The following ABCF3 variants were observed in gnomAD, a reference collection of about 807,000 sequenced individuals.
The protein encoded by ABCF3 is ATP binding cassette subfamily F member 3, also known as ATP-binding cassette sub-family F member 3.
Under a neutral mutation model 94.3 loss-of-function variants are expected in ABCF3, and 62 were observed. The ratio of observed to expected loss-of-function variants is 0.66; its 90% confidence interval spans 0.54 to 0.81. ABCF3 has a LOEUF of 0.81. Among genes scored for constraint, ABCF3 ranks in the 40% least tolerant of loss-of-function variants. The pLI is 0.00. For missense variants in ABCF3, 843 were observed against 925.3 expected (o/e 0.91, Z 1.15); for synonymous variants, 355 against 361.1 (o/e 0.98, Z 0.19).
In ABCF3 at chr3:184,192,844, G is replaced by A. The variant is rs1560137309; in HGVS notation, c.1698G>A (p.Glu566=). ...GCTATTTCAGCCAGCACCATGTGGA[G>A]CAGCTGGACCTAAACGTCAGTGCTG... ...KIGYFSQHHV[E]QLDLNVSAVE... Residue 566 remains glutamate (E), a synonymous_variant, in exon 18 of 21, where the codon GAG becomes GAA. Transcript: ENST00000429586. 1 of 1,614,110 alleles carries A rather than the reference G, an allele frequency of 6.2e-7. No individual in the cohort carries two copies. The highest frequency in any genetic ancestry group is 1.3e-5 in the African/African-American group (1 of 74,940).
At chr3:184,190,521 A>G (rs1715953209) in intron 14 of ABCF3, 1 of 166,430 alleles carries the variant, frequency 6.0e-6, no homozygotes, top group South Asian at 1.5e-4. Flanking sequence ...ACTGTTTTCT[A>G]AAGCAACAAC....
Position 184,193,392 on chromosome 3 carries a change from C to T in ABCF3, c.1911C>T (p.Pro637=). The change falls in exon 20 of 21, where the codon CCC becomes CCT. Residue 637 remains proline (P), a synonymous_variant. Transcript: ENST00000429586. This position sits in a 1 kb window ranked among gnomAD's most constrained non-coding sequence, Gnocchi z 5.2. The part of the protein sequence containing the change: ...PCPNFYILDE[P]TNHLDMETIE... Reference sequence around the variant, plus strand: ...CCAACTTCTACATTCTGGATGAACCCACAAACCACCTGGACATGGAGACCA... The same window carrying T: ...CCAACTTCTACATTCTGGATGAACCTACAAACCACCTGGACATGGAGACCA... The T allele has an allele frequency of 6.2e-7, 1 of 1,614,166 alleles. No individual in the cohort carries two copies. Among genetic ancestry groups the T allele is most frequent in the Non-Finnish European group, 8.5e-7 (1 of 1,180,044 alleles).
In ABCF3 at chr3:184,193,200, A is replaced by G; in HGVS notation, c.1849A>G (p.Ser617Gly). The G allele has an allele frequency of 6.4e-7, 1 of 1,562,404 alleles. No individual in the cohort carries two copies. The highest frequency in any genetic ancestry group is 8.7e-7 in the Non-Finnish European group (1 of 1,154,932). The part of the protein sequence containing the change: ...PLASLSGGQK[S>G]RVAFAQMTMP... ...TGCCAGCCTGTCTGGGGGCCAGAAG[A>G]GCCGAGTGGCCTTTGCTCAGATGAC... Residue 617 changes from serine (S) to glycine (G), a missense_variant, in exon 19 of 21, where the codon AGC becomes GGC. Coordinates refer to ENST00000429586, the MANE Select transcript of ABCF3 (RefSeq NM_018358.3). This position sits in a 1 kb window ranked among gnomAD's most constrained non-coding sequence, Gnocchi z 5.2.
Position 184,186,229 on chromosome 3 carries a change from C to G in ABCF3, c.22C>G (p.Leu8Val), listed in dbSNP as rs202156124. ...GAACATGGCGACTTGCGCCGAAATC[C>G]TGCGGAGCGAGTTCCCCGAAATTGA... is the stretch of plus-strand genomic sequence containing the variant. MATCAEI[L>V]RSEFPEIDGQ... The change falls in exon 1 of 21, where the codon CTG becomes GTG. Residue 8 changes from leucine (L) to valine (V), a missense_variant. By Grantham distance (32) the Leu-to-Val change is conservative (BLOSUM62 1). Coordinates refer to ENST00000429586, the MANE Select transcript of ABCF3 (RefSeq NM_018358.3). 1 of 1,614,230 alleles carries G rather than the reference C, an allele frequency of 6.2e-7. No homozygotes were observed. The highest frequency in any genetic ancestry group is 8.5e-7 in the Non-Finnish European group (1 of 1,180,046).
In ABCF3 at chr3:184,189,545, G is replaced by A; in HGVS notation, c.1114-12G>A. On this transcript the variant is annotated splice_polypyrimidine_tract_variant and intron_variant, in intron 12 of 20. Coordinates refer to ENST00000429586, the MANE Select transcript of ABCF3 (RefSeq NM_018358.3). ...CCTCCCAAACCGGGCCTGCTGTCCT[G>A]TGACCCCTCAGACGTGGCCCTCCAC... 2 of 1,613,978 alleles carry A rather than the reference G, an allele frequency of 1.2e-6. No individual in the cohort carries two copies. The highest frequency in any genetic ancestry group is 2.2e-5 in the East Asian group (1 of 44,860).
At chr3:184,192,467 TC>T in intron 16 of ABCF3, 133 bp from the exon 17 acceptor site, 1 of 867,864 alleles carries the variant, frequency 1.2e-6, no homozygotes, top group East Asian at 2.8e-5. Flanking sequence ...CCCTTATCCT[TC>T]CCAGCCTCTA....
chr3:184,193,446 T>C lies in ABCF3; in HGVS notation c.1965T>C (p.Asn655=). The change falls in exon 20 of 21, where the codon AAT becomes AAC. Residue 655 remains asparagine, a synonymous_variant. Coordinates refer to ENST00000429586, the MANE Select transcript of ABCF3 (RefSeq NM_018358.3). The surrounding 1 kb of genome is among the most constrained non-coding windows in gnomAD (Gnocchi z 5.2). ...AGGCTCTGGGCCGTGCCCTCAACAA[T>C]TTCAGGGTGAGTGTGCCTTCACCCT... ...TIEALGRALN[N]FRGGVILVSH... 6.2e-7 allele frequency: 1 copy of C among 1,614,076 alleles called. No individual in the cohort carries two copies. The highest frequency in any genetic ancestry group is 8.5e-7 in the Non-Finnish European group (1 of 1,180,000).
At chr3:184,190,412 T>C (rs1715945363) in intron 14 of ABCF3, 1 of 176,034 alleles carries the variant, frequency 5.7e-6, no homozygotes, top group Admixed American at 5.5e-5. Context: ...TACAAATTTT[T>C]GTGTGGACAT....
At position 184,190,608 on chromosome 3, in the gene ABCF3, T is replaced by G. The variant is rs973071510; in HGVS notation, c.1392-391T>G. 475 of 171,868 alleles carry G rather than the reference T, an allele frequency of 2.8e-3. 1 individual carries two copies. The highest frequency in any genetic ancestry group is 0.011 in the African/African-American group (456 of 41,858). 10.6% of individuals were successfully genotyped at this position (171,868 alleles called of 1,614,324 possible). On this transcript the variant is annotated intron_variant, in intron 14 of 20. Transcript: ENST00000429586. ...CTTTGGCAGCACTGTTATTGACTTT[T>G]TTTTTTTTAGTTTTAGCCATCCTAG...
chr3:184,192,887 A>G lies in ABCF3; in HGVS notation c.1741A>G (p.Lys581Glu). 6.2e-7 allele frequency: 1 copy of G among 1,614,056 alleles called. No individual in the cohort carries two copies. The highest frequency in any genetic ancestry group is 8.5e-7 in the Non-Finnish European group (1 of 1,179,966). Reference sequence around the variant, plus strand: ...CAGTGCTGTGGAACTGCTGGCACGCAAGTTTCCTGGTGAGTTAGGGATTTG... The same window carrying G: ...CAGTGCTGTGGAACTGCTGGCACGCGAGTTTCCTGGTGAGTTAGGGATTTG... ...NVSAVELLARKFPGRPEEEYR... is the reference protein window; with the variant it reads ...NVSAVELLAREFPGRPEEEYR... The change falls in exon 18 of 21, where the codon AAG (lysine) becomes GAG (glutamate). Residue 581 changes from lysine (K) to glutamate (E), a missense_variant. Physicochemically the swap from Lys to Glu is moderately conservative, Grantham distance 56 (BLOSUM62 1). Coordinates refer to ENST00000429586, the MANE Select transcript of ABCF3 (RefSeq NM_018358.3).
chr3:184,193,216 C>G lies in ABCF3; in HGVS notation c.1865C>G (p.Ala622Gly), dbSNP rs1716141874. 3 of 1,565,178 alleles carry G rather than the reference C, an allele frequency of 1.9e-6. No individual in the cohort carries two copies. Among genetic ancestry groups the G allele is most frequent in the Non-Finnish European group, 2.6e-6 (3 of 1,156,548 alleles). ...GGCCAGAAGAGCCGAGTGGCCTTTG[C>G]TCAGATGACTATGCCCTGGTGAGGC... ...SGGQKSRVAF[A>G]QMTMPCPNFY... The change falls in exon 19 of 21, where the codon GCT becomes GGT. Residue 622 changes from alanine (A) to glycine (G), a missense_variant. Transcript: ENST00000429586. The surrounding 1 kb of genome is among the most constrained non-coding windows in gnomAD (Gnocchi z 5.2).
Position 184,193,416 on chromosome 3 carries a change from C to T in ABCF3, c.1935C>T (p.Thr645=), listed in dbSNP as rs746999632. ...DEPTNHLDME[T]IEALGRALNN... ...CCACAAACCACCTGGACATGGAGAC[C>T]ATTGAGGCTCTGGGCCGTGCCCTCA... The change falls in exon 20 of 21, where the codon ACC becomes ACT. Residue 645 remains threonine, a synonymous_variant. Coordinates refer to ENST00000429586, the MANE Select transcript of ABCF3 (RefSeq NM_018358.3). The surrounding 1 kb of genome is among the most constrained non-coding windows in gnomAD (Gnocchi z 5.2). The T allele has an allele frequency of 6.2e-7, 1 of 1,614,138 alleles. No homozygotes were observed. The highest frequency in any genetic ancestry group is 1.7e-5 in the Admixed American group (1 of 60,020).
Position 184,188,245 on chromosome 3 carries a change from C to T in ABCF3, c.674C>T (p.Thr225Ile). The change falls in exon 7 of 21, where the codon ACC becomes ATC. Residue 225 changes from threonine (T) to isoleucine (I), a missense_variant. By Grantham distance (89) the Thr-to-Ile change is moderately conservative (BLOSUM62 -1). Transcript: ENST00000429586. ...ACAACGTTACTGAAGATGCTGGCCA[C>T]CCGGAGTCTGCGGGTTCCAGCCCAC... ...GKTTLLKMLA[T>I]RSLRVPAHIS... 6.2e-7 allele frequency: 1 copy of T among 1,614,156 alleles called. No homozygotes were observed. The highest frequency in any genetic ancestry group is 8.5e-7 in the Non-Finnish European group (1 of 1,180,040).
Position 184,193,308 on chromosome 3 carries a change from C to T in ABCF3, c.1884-57C>T. 1 of 1,612,696 alleles carries T rather than the reference C, an allele frequency of 6.2e-7. No individual in the cohort carries two copies. The highest frequency in any genetic ancestry group is 8.5e-7 in the Non-Finnish European group (1 of 1,179,230). On this transcript the variant is annotated intron_variant, in intron 19 of 20. Coordinates refer to ENST00000429586, the MANE Select transcript of ABCF3 (RefSeq NM_018358.3). The surrounding 1 kb of genome is among the most constrained non-coding windows in gnomAD (Gnocchi z 5.2). ...CCCAGTAGAAAACTGTATCAGAAGG[C>T]TTTATTTTCTCTCACCGCACCCCTT...
Position 184,187,644 on chromosome 3 carries a change from C to A in ABCF3, c.349-20C>A. 1.2e-6 allele frequency: 2 copies of A among 1,613,290 alleles called. No individual in the cohort carries two copies. Among genetic ancestry groups the A allele is most frequent in the South Asian group, 2.2e-5 (2 of 90,994 alleles). On this transcript the variant is annotated intron_variant, in intron 4 of 20. Coordinates refer to ENST00000429586, the MANE Select transcript of ABCF3 (RefSeq NM_018358.3). ...CTGAGCCTACACCCGAGAGTGAAGT[C>A]GATGTGTTTGGACCCTTAGACAGTG...
rs111238120 is a variant in ABCF3, at chr3:184,187,458, G to A, written c.348+15G>A. 1.7e-5 allele frequency: 27 copies of A among 1,611,722 alleles called. 1 individual carries two copies. The African/African-American group carries it at 2.7e-4, about 16-fold the overall frequency. ...AACAGTCCTCGGTGAGGAGGAGGAA[G>A]CAAGGGAGGGGACTGTCTGTGATGG... On this transcript the variant is annotated intron_variant, in intron 4 of 20. Transcript: ENST00000429586.
rs199665518 is a variant in ABCF3, at chr3:184,188,184, C to T, written c.613C>T (p.Arg205Cys). 9 of 1,614,022 alleles carry T rather than the reference C, an allele frequency of 5.6e-6. No individual in the cohort carries two copies. The highest frequency in any genetic ancestry group is 2.2e-5 in the East Asian group (1 of 44,876). The change falls in exon 7 of 21, where the codon CGT becomes TGT. Residue 205 changes from arginine (R) to cysteine (C), a missense_variant. Transcript: ENST00000429586. ...GGATGTGAACCTGGCATGGGGCCGC[C>T]GTTACGGGCTGGTGGGGCGGAATGG... Reference protein sequence around the residue: ...GADVNLAWGRRYGLVGRNGLG... With the variant: ...GADVNLAWGRCYGLVGRNGLG...
rs768337975 is a variant in ABCF3, at chr3:184,188,762, G to A, written c.838G>A (p.Ala280Thr). 3.7e-6 allele frequency: 6 copies of A among 1,613,678 alleles called. No individual in the cohort carries two copies. The African/African-American group carries it at 6.7e-5, about 18-fold the overall frequency. The change falls in exon 8 of 21, where the codon GCG (alanine) becomes ACG (threonine). Residue 280 changes from alanine to threonine, a missense_variant and splice_region_variant. Ala to Thr is a moderately conservative substitution (Grantham distance 58). Transcript: ENST00000429586. ...ELTAQIAAGRAEGSEAAELAE... is the reference protein window; with the variant it reads ...ELTAQIAAGRTEGSEAAELAE... ...AATTGCTGTTTCTCCTCCCTCCAGG[G>A]CGGAGGGCTCTGAAGCTGCAGAGCT...
rs1203509130 is a variant in ABCF3, at chr3:184,186,225, A to G, written c.18A>G (p.Glu6=). MATCA[E]ILRSEFPEID... ...AGTGGAACATGGCGACTTGCGCCGA[A>G]ATCCTGCGGAGCGAGTTCCCCGAAA... The change falls in exon 1 of 21, where the codon GAA becomes GAG. Residue 6 remains glutamate (E), a synonymous_variant. Coordinates refer to ENST00000429586, the MANE Select transcript of ABCF3 (RefSeq NM_018358.3). 1 of 1,614,046 alleles carries G rather than the reference A, an allele frequency of 6.2e-7. No individual in the cohort carries two copies. Among genetic ancestry groups the G allele is most frequent in the Non-Finnish European group, 8.5e-7 (1 of 1,180,032 alleles).
Sources: gnomAD v4.1 joint callset for allele counts on GRCh38, gnomAD v4.1.1 for gene constraint, Gnocchi (gnomAD v3.1) non-coding constraint, MANE v1.5 for transcripts, NCBI Gene and HGNC (gene_info 2026-07-23, HGNC 2026-07-21) for gene names.